The following RASSF5 variants were observed in gnomAD, a reference collection of about 807,000 sequenced individuals.
RASSF5 encodes the protein Ras association domain family member 5, also known as ras association domain-containing protein 5.
A neutral mutation model predicts 40.5 loss-of-function variants in RASSF5; 25 were observed. That is an observed-to-expected ratio of 0.62 (90% CI 0.45 to 0.86). The LOEUF is 0.86. RASSF5 is among the 40% of genes least tolerant of loss of function. The probability of loss-of-function intolerance (pLI) is 0.00; values close to 1 mark genes in which losing one functional copy is unlikely to be tolerated. For missense variants in RASSF5, 521 were observed against 572.8 expected, an observed-to-expected ratio of 0.91 and a Z score of 0.92; for synonymous variants, 246 against 252.4, an observed-to-expected ratio of 0.97 and a Z score of 0.24.
chr1:206,547,554 T>A (rs1553400428), intron 2 of RASSF5, among the ~76,000 whole-genome samples: 1 of 151,898 alleles, frequency 6.6e-6, no homozygotes, highest in African/African-American at 2.4e-5. Flanking sequence ...AGCTCAGGCC[T>A]CCCACTGATT....
chr1:206,507,740 C>T lies in RASSF5; in HGVS notation c.138C>T (p.Val46=), dbSNP rs1666494121. The T allele has an allele frequency of 1.4e-6, 2 of 1,472,750 alleles. No individual in the cohort carries two copies. Among genetic ancestry groups the T allele is most frequent in the Non-Finnish European group, 1.8e-6 (2 of 1,119,194 alleles). 91.2% of individuals were successfully genotyped at this position (1,472,750 alleles called of 1,614,324 possible). The change falls in exon 1 of 6, where the codon GTC becomes GTT. Residue 46 remains valine, a synonymous_variant. Coordinates refer to ENST00000579436, the MANE Select transcript of RASSF5 (RefSeq NM_182663.4). ...PPPDRSSRLC[V]PAPLSTAPGA... Reference sequence around the variant, plus strand: ...CCGACCGGTCCTCGCGCCTCTGTGTCCCGGCGCCCCTCTCCACTGCGCCCG... The same window carrying T: ...CCGACCGGTCCTCGCGCCTCTGTGTTCCGGCGCCCCTCTCCACTGCGCCCG...
At chr1:206,518,666 C>A (rs1666825877) in intron 1 of RASSF5, 3 of 394,534 alleles carry the variant, frequency 7.6e-6, no homozygotes, top group Non-Finnish European at 1.3e-5. Context: ...GAGCTCAGCA[C>A]CACTCCTTGG....
At chr1:206,515,240 G>C (rs898772937) in intron 1 of RASSF5, among the ~76,000 whole-genome samples, 1 of 152,188 alleles carries the variant, frequency 6.6e-6, no homozygotes, top group African/African-American at 2.4e-5. Context: ...ATCAGCCAGG[G>C]CTGGGTAATT....
chr1:206,535,404 A>G lies in RASSF5; in HGVS notation c.458-2768A>G, dbSNP rs782187989. Among the ~76,000 whole-genome samples, 8 of 152,114 alleles carry G rather than the reference A, an allele frequency of 5.3e-5. No individual in the cohort carries two copies. Among genetic ancestry groups the G allele is most frequent in the South Asian group, 2.1e-4 (1 of 4,824 alleles). On this transcript the variant is annotated intron_variant, in intron 1 of 5. Transcript: ENST00000579436. This position sits in a 1 kb window ranked among gnomAD's most constrained non-coding sequence, Gnocchi z 5.0. ...CTTTGGAATCTCATGGGTCTCCCCA[A>G]TCCCTGAAAATGTCAGGCCTGCAGG...
chr1:206,553,215 C>T (rs1001339824), intron 2 of RASSF5, among the ~76,000 whole-genome samples: 4 of 151,838 alleles, frequency 2.6e-5, no homozygotes, highest in African/African-American at 9.7e-5. Flanking sequence ...AAACAAAAAA[C>T]AAGAAAAGGG....
At chr1:206,532,971 C>T (rs1667280381) in intron 1 of RASSF5, among the ~76,000 whole-genome samples, 1 of 152,160 alleles carries the variant, frequency 6.6e-6, no homozygotes, top group Non-Finnish European at 1.5e-5. Flanking sequence ...CATGTGTGTG[C>T]CTCTGTGTGT....
In RASSF5 at chr1:206,531,913, A is replaced by G. The variant is rs146173402; in HGVS notation, c.458-6259A>G. Among the ~76,000 whole-genome samples the G allele has an allele frequency of 0.016, 2,465 of 152,068 alleles. 35 individuals carry two copies. Among genetic ancestry groups the G allele is most frequent in the African/African-American group, 0.047 (1,939 of 41,500 alleles). On this transcript the variant is annotated intron_variant, in intron 1 of 5. Coordinates refer to ENST00000579436, the MANE Select transcript of RASSF5 (RefSeq NM_182663.4). The surrounding 1 kb of genome is among the most constrained non-coding windows in gnomAD (Gnocchi z 4.7). ...AAATAAATACAAAAATTAGCCAGGC[A>G]TGGTGGCGGGTGCCTGTAATGCCAG...
intron 2 of RASSF5, among the ~76,000 whole-genome samples, chr1:206,548,469 G>A (rs1239959722): frequency 6.6e-6 from 1 of 152,126 alleles, no homozygotes; most frequent in Non-Finnish European, 1.5e-5. Flanking sequence ...ATTACCATGG[G>A]GAGGGCACCA....
At position 206,507,818 on chromosome 1, in the gene RASSF5, C is replaced by T; in HGVS notation, c.216C>T (p.Pro72=). ...GGGCTGCCCGGGGGAACCTGGAGCC[C>T]CCGCCCCGGGCCTCCCGACCCGCTC... is the stretch of plus-strand genomic sequence containing the variant. ...ARRAARGNLE[P]PPRASRPARP... Residue 72 remains proline (P), a synonymous_variant, in exon 1 of 6, where the codon CCC becomes CCT. Transcript: ENST00000579436. 1 of 1,407,358 alleles carries T rather than the reference C, an allele frequency of 7.1e-7. No homozygotes were observed. 87.2% of individuals were successfully genotyped at this position (1,407,358 alleles called of 1,614,324 possible).
intron 2 of RASSF5, among the ~76,000 whole-genome samples, chr1:206,563,029 T>C (rs1553402901): frequency 6.6e-6 from 1 of 152,184 alleles, no homozygotes; most frequent in African/African-American, 2.4e-5. Context: ...AACCCCTGCT[T>C]TTCAGTCATT....
In RASSF5 at chr1:206,584,693, AAG is replaced by A; in HGVS notation, c.988+12_988+13del. 1 of 1,614,170 alleles carries A rather than the reference AAG, an allele frequency of 6.2e-7. No homozygotes were observed. Among genetic ancestry groups the A allele is most frequent in the Non-Finnish European group, 8.5e-7 (1 of 1,180,000 alleles). ...ACACAAGGACGGACAAGGTAGGAGAAAGAGTGAACCCAACCAGACCGTTCCCT... is the reference window on the plus strand; with the variant it reads ...ACACAAGGACGGACAAGGTAGGAGAAAGTGAACCCAACCAGACCGTTCCCT... On this transcript the variant is annotated intron_variant, in intron 4 of 5. Transcript: ENST00000579436. This position sits in a 1 kb window ranked among gnomAD's most constrained non-coding sequence, Gnocchi z 4.9.
At chr1:206,512,677 C>G (rs1666648066) in intron 1 of RASSF5, among the ~76,000 whole-genome samples, 1 of 152,092 alleles carries the variant, frequency 6.6e-6, no homozygotes, top group Non-Finnish European at 1.5e-5. Context: ...AAGACAGCCC[C>G]CAGCCCAGTC....
At chr1:206,561,334 C>T (rs544186838) in intron 2 of RASSF5, among the ~76,000 whole-genome samples, 23 of 152,144 alleles carry the variant, frequency 1.5e-4, no homozygotes, top group Non-Finnish European at 3.1e-4. Context: ...CAGGATAGAC[C>T]GTAGGTCTTG....
intron 2 of RASSF5, among the ~76,000 whole-genome samples, chr1:206,550,744 C>A (rs1305113514): frequency 6.6e-6 from 1 of 152,222 alleles, no homozygotes; most frequent in Non-Finnish European, 1.5e-5. Context: ...TGTTTTAGAG[C>A]CTTCAGCCCA....
At position 206,586,904 on chromosome 1, in the gene RASSF5, G is replaced by A. The variant is rs1553407773; in HGVS notation, c.1183G>A (p.Val395Met). 6.2e-7 allele frequency: 1 copy of A among 1,614,178 alleles called. No homozygotes were observed. Among genetic ancestry groups the A allele is most frequent in the Admixed American group, 1.7e-5 (1 of 60,020 alleles). Residue 395 changes from valine (V) to methionine (M), a missense_variant, in exon 6 of 6, where the codon GTG becomes ATG. By Grantham distance (21) the Val-to-Met change is conservative. Around this residue, in one of 2 missense-constraint regions of RASSF5, gnomAD observed 284 missense variants for 360.8 expected, o/e 0.79. Coordinates refer to ENST00000579436, the MANE Select transcript of RASSF5 (RefSeq NM_182663.4). ...EKEEQDKIQQ[V>M]QKKYDKFRQK... ...AGAGGAGCAGGACAAAATCCAACAA[G>A]TGCAAAAGAAGTATGACAAGTTTAG...
intron 2 of RASSF5, among the ~76,000 whole-genome samples, chr1:206,571,810 G>A (rs1357924744): frequency 6.6e-6 from 1 of 152,176 alleles, no homozygotes; most frequent in Non-Finnish European, 1.5e-5. Context: ...CTGGGTGAGG[G>A]GACAGGGACC....
intron 2 of RASSF5, among the ~76,000 whole-genome samples, chr1:206,574,178 A>C (rs1293181486): frequency 2.0e-5 from 3 of 152,212 alleles, no homozygotes; most frequent in Non-Finnish European, 4.4e-5. Flanking sequence ...CACCTCAAAG[A>C]GCAGGGGACC....
rs781908178 is a variant in RASSF5 at position 206,560,155 on chromosome 1, C to T, written c.579+21862C>T. Among the ~76,000 whole-genome samples, 1 of 152,150 alleles carries T rather than the reference C, an allele frequency of 6.6e-6. No homozygotes were observed. The highest frequency in any genetic ancestry group is 1.9e-4 in the East Asian group (1 of 5,202). Reference sequence around the variant, plus strand: ...GAAAGGAGTTGATGTGTTTCCCGGTCGTCGAGAGATTGAGGCCCTCATCTG... The same window carrying T: ...GAAAGGAGTTGATGTGTTTCCCGGTTGTCGAGAGATTGAGGCCCTCATCTG... On this transcript the variant is annotated intron_variant, in intron 2 of 5. Transcript: ENST00000579436. The surrounding 1 kb of genome is among the most constrained non-coding windows in gnomAD (Gnocchi z 5.1).
chr1:206,548,471 AGG>A (rs1338956338), intron 2 of RASSF5, among the ~76,000 whole-genome samples: 1 of 152,114 alleles, frequency 6.6e-6, no homozygotes, highest in African/African-American at 2.4e-5. Flanking sequence ...TACCATGGGG[AGG>A]GCACCAAGAC....
Sources: allele counts gnomAD v4.1 joint callset (sites outside exome capture counted in the v4.1 genomes callset), GRCh38; gene constraint gnomAD v4.1.1; regional missense constraint gnomAD v4.1.1; non-coding constraint Gnocchi (gnomAD v3.1); transcripts MANE v1.5; gene names NCBI Gene and HGNC (gene_info 2026-07-23, HGNC 2026-07-21).